The following ZC3HC1 variants were observed in gnomAD, a reference collection of about 807,000 sequenced individuals.
ZC3HC1 encodes the protein zinc finger C3HC-type protein 1.
Under a neutral mutation model 61.9 loss-of-function variants are expected in ZC3HC1, and 38 were observed. That is an observed-to-expected ratio of 0.61 (90% CI 0.47 to 0.81). ZC3HC1 has a LOEUF of 0.81. ZC3HC1 is among the 30% of genes least tolerant of loss of function. ZC3HC1 has a pLI of 0.00. For missense variants in ZC3HC1, 554 were observed against 622.7 expected (o/e 0.89, Z 1.17); for synonymous variants, 213 against 229.9 (o/e 0.93, Z 0.67).
rs546427347 is a variant in ZC3HC1 at position 130,050,979 on chromosome 7, C to T, written c.146+242G>A. ...CAAGTGAACTCATTCAGTTAACGGTCCTCTTTACTTCCAAAAATAATGTCC... is the reference window on the plus strand; with the variant it reads ...CAAGTGAACTCATTCAGTTAACGGTTCTCTTTACTTCCAAAAATAATGTCC... On this transcript the variant is annotated intron_variant, in intron 1 of 9. Transcript: ENST00000358303. 2.0e-5 allele frequency among the ~76,000 whole-genome samples: 3 copies of T among 152,330 alleles called. No homozygotes were observed. The South Asian group carries it at 6.2e-4, about 32-fold the overall frequency.
chr7:130,043,907 T>C (rs888089853), intron 2 of ZC3HC1: 1 of 451,126 alleles, frequency 2.2e-6, no homozygotes, highest in South Asian at 1.6e-5. Context: ...TAACAAATTA[T>C]GTTTCACAGT....
At chr7:130,025,695 C>T (rs1452398127) in intron 6 of ZC3HC1, among the ~76,000 whole-genome samples, 2 of 151,448 alleles carry the variant, frequency 1.3e-5, no homozygotes, top group Non-Finnish European at 2.9e-5. Context: ...GGTGAAACCC[C>T]GTCTCTACCA....
chr7:130,028,389 A>G (rs1794020735), intron 5 of ZC3HC1, among the ~76,000 whole-genome samples: 1 of 151,890 alleles, frequency 6.6e-6, no homozygotes, highest in Non-Finnish European at 1.5e-5. Context: ...TAAAAATACA[A>G]AAATTAGCCA....
intron 1 of ZC3HC1, among the ~76,000 whole-genome samples, chr7:130,050,929 T>C (rs575934523): frequency 3.3e-5 from 5 of 152,272 alleles, no homozygotes; most frequent in Middle Eastern, 6.8e-3. Flanking sequence ...CAAAAAAAGG[T>C]TAAGAATCCC....
intron 5 of ZC3HC1, among the ~76,000 whole-genome samples, chr7:130,028,080 T>G (rs1794001069): frequency 7.7e-6 from 1 of 130,176 alleles, no homozygotes; most frequent in Admixed American, 9.8e-5. Flanking sequence ...GACAGAAGAA[T>G]CGCTTGAACC....
intron 3 of ZC3HC1, among the ~76,000 whole-genome samples, chr7:130,040,611 G>A (rs1422947635): frequency 6.7e-6 from 1 of 149,542 alleles, no homozygotes; most frequent in African/African-American, 2.5e-5. Context: ...TTCAAGACTA[G>A]CCTGAGCAAC....
At position 130,023,692 on chromosome 7, in the gene ZC3HC1, C is replaced by T. The variant is rs141460576; in HGVS notation, c.1052G>A (p.Arg351Gln). Residue 351 changes from arginine (R) to glutamine (Q), a missense_variant, in exon 8 of 10, where the codon CGA (arginine) becomes CAA (glutamine). Physicochemically the swap from Arg to Gln is conservative, Grantham distance 43. Coordinates refer to ENST00000358303, the MANE Select transcript of ZC3HC1 (RefSeq NM_016478.5). This position sits in a 1 kb window ranked among gnomAD's most constrained non-coding sequence, Gnocchi z 4.2. ...ACTGGAAGAGTCCCAGCTCCGAGTTCGAGAGACAATGGGACCAGGGCTCTT... is the reference window on the plus strand; with the variant it reads ...ACTGGAAGAGTCCCAGCTCCGAGTTTGAGAGACAATGGGACCAGGGCTCTT... ...AEKSPGPIVSRTRSWDSSSPV... is the reference protein window; with the variant it reads ...AEKSPGPIVSQTRSWDSSSPV... The T allele has an allele frequency of 9.3e-5, 150 of 1,613,914 alleles. 1 individual carries two copies. The highest frequency in any genetic ancestry group is 8.5e-4 in the Admixed American group (51 of 59,988).
chr7:130,043,906 A>T (rs1183329356), intron 2 of ZC3HC1: 1 of 452,072 alleles, frequency 2.2e-6, no homozygotes, highest in Non-Finnish European at 4.4e-6. Context: ...ATAACAAATT[A>T]TGTTTCACAG....
chr7:130,028,508 C>A (rs1794027503), intron 5 of ZC3HC1, among the ~76,000 whole-genome samples: 1 of 152,038 alleles, frequency 6.6e-6, no homozygotes, highest in African/African-American at 2.4e-5. Context: ...CACTATTGCA[C>A]TCCAGCCTGG....
At chr7:130,037,451 A>AAAACAAACAAAC (rs150885654) in intron 4 of ZC3HC1, among the ~76,000 whole-genome samples, 1 of 151,874 alleles carries the variant, frequency 6.6e-6, no homozygotes, top group Non-Finnish European at 1.5e-5. Flanking sequence ...CGTCTCAAGG[A>AAAACAAACAAAC]AAACAAACAA....
In ZC3HC1 at chr7:130,030,531, G is replaced by A. The variant is rs144596824; in HGVS notation, c.494-1502C>T. 2.2e-4 allele frequency among the ~76,000 whole-genome samples: 33 copies of A among 151,856 alleles called. 1 individual carries two copies. In the East Asian group the frequency reaches 5.5e-3, roughly 25 times the overall value. ...CAGCTTTAATAAAGAATGAAAACAC[G>A]TTTTGGAAGGGATTCATAGGAAAAG... On this transcript the variant is annotated intron_variant, in intron 4 of 9. Coordinates refer to ENST00000358303, the MANE Select transcript of ZC3HC1 (RefSeq NM_016478.5).
chr7:130,041,902 A>G (rs891937609), intron 2 of ZC3HC1, among the ~76,000 whole-genome samples: 1 of 152,218 alleles, frequency 6.6e-6, no homozygotes, highest in Admixed American at 6.6e-5. Flanking sequence ...ACTATTTTTA[A>G]TGCACAGGCC....
At position 130,022,513 on chromosome 7, in the gene ZC3HC1, G is replaced by C. The variant is rs766950707; in HGVS notation, c.1246C>G (p.Arg416Gly). 2 of 1,613,996 alleles carry C rather than the reference G, an allele frequency of 1.2e-6. No individual in the cohort carries two copies. Among genetic ancestry groups the C allele is most frequent in the Non-Finnish European group, 1.7e-6 (2 of 1,179,972 alleles). Residue 416 changes from arginine to glycine, a missense_variant, in exon 9 of 10, where the codon CGA becomes GGA. By Grantham distance (125) the Arg-to-Gly change is moderately radical. Transcript: ENST00000358303. ...CSSSSSDTSSRSFFDPTSQHR... is the reference protein window; with the variant it reads ...CSSSSSDTSSGSFFDPTSQHR... ...TGAGAGGTGGGATCAAAGAAGCTTC[G>C]GGAAGATGTGTCCTGAGGAAGGAGA...
intron 4 of ZC3HC1, among the ~76,000 whole-genome samples, chr7:130,038,871 A>AAT (rs1554454805): frequency 1.3e-5 from 2 of 151,638 alleles, no homozygotes; most frequent in Admixed American, 1.3e-4. Context: ...AAAAAAAAAA[A>AAT]AAAAAAAACC....
intron 2 of ZC3HC1, among the ~76,000 whole-genome samples, chr7:130,043,191 C>T (rs1054330157): frequency 1.3e-5 from 2 of 151,930 alleles, no homozygotes; most frequent in Non-Finnish European, 2.9e-5. Flanking sequence ...GCAGGAGACT[C>T]GCTTGAACTT....
chr7:130,045,933 G>A (rs922950064), intron 2 of ZC3HC1, among the ~76,000 whole-genome samples: 1 of 150,932 alleles, frequency 6.6e-6, no homozygotes, highest in Admixed American at 6.6e-5. Context: ...GCTTAAGATG[G>A]ATGTTTGAGC....
At chr7:130,043,962 T>G in intron 2 of ZC3HC1, 1 of 405,926 alleles carries the variant, frequency 2.5e-6, no homozygotes, top group Non-Finnish European at 4.8e-6. Context: ...AAAACTAGAA[T>G]GAATCCTGTG....
intron 4 of ZC3HC1, among the ~76,000 whole-genome samples, chr7:130,035,627 A>G (rs1188729143): frequency 1.3e-5 from 2 of 151,944 alleles, no homozygotes; most frequent in East Asian, 3.9e-4. Context: ...GATTACAGGC[A>G]TGTGCCACCA....
In ZC3HC1 at chr7:130,040,988, G is replaced by A. The variant is rs138462517; in HGVS notation, c.372C>T (p.Leu124=). 2.0e-5 allele frequency: 33 copies of A among 1,613,174 alleles called. No individual in the cohort carries two copies. The highest frequency in any genetic ancestry group is 2.5e-5 in the Non-Finnish European group (30 of 1,179,848). ...CAAAAGCTGGTTGTAAACTGGCACA[G>A]AGAAAAGCTTGACAGCTAGAGCACT... ...MLKCSSCQAF[L]CASLQPAFDF... is the part of the protein sequence containing the mutation. The change falls in exon 3 of 10, where the codon CTC becomes CTT. Residue 124 remains leucine, a synonymous_variant. Transcript: ENST00000358303.
Sources: allele counts gnomAD v4.1 joint callset (sites outside exome capture counted in the v4.1 genomes callset), GRCh38; gene constraint gnomAD v4.1.1; non-coding constraint Gnocchi (gnomAD v3.1); transcripts MANE v1.5; gene names NCBI Gene and HGNC (gene_info 2026-07-23, HGNC 2026-07-21).